FNDC1: variants seen among roughly 807,000 people sequenced by gnomAD.
FNDC1 encodes fibronectin type III domain containing 1, also known as fibronectin type III domain-containing protein 1.
Under a neutral mutation model 168.0 loss-of-function variants are expected in FNDC1, and 96 were observed. The ratio of observed to expected loss-of-function variants is 0.57; its 90% confidence interval spans 0.48 to 0.68. The LOEUF (loss-of-function observed/expected upper bound fraction) is 0.68, where lower values mean the gene tolerates loss of function less well. Ranked by LOEUF, FNDC1 falls within the 30% of genes least tolerant of loss-of-function variation. FNDC1 has a pLI of 0.00. For synonymous variants in FNDC1, 1,099 were observed against 1,025.9 expected (o/e 1.07, Z -1.36); for missense variants, 2,587 against 2,482.1 (o/e 1.04, Z -0.90).
At chr6:159,222,831 T>C (rs1782858767) in intron 6 of FNDC1, among the ~76,000 whole-genome samples, 1 of 152,198 alleles carries the variant, frequency 6.6e-6, no homozygotes, top group Admixed American at 6.5e-5. Flanking sequence ...CCTAAACTTT[T>C]CTTCCCATGA....
Position 159,264,976 on chromosome 6 carries a change from T to G in FNDC1, c.5256T>G (p.Asp1752Glu). 1 of 1,605,060 alleles carries G rather than the reference T, an allele frequency of 6.2e-7. No individual in the cohort carries two copies. The highest frequency in any genetic ancestry group is 8.5e-7 in the Non-Finnish European group (1 of 1,174,954). The change falls in exon 20 of 23, where the codon GAT (aspartate) becomes GAG (glutamate). Residue 1752 changes from aspartate to glutamate, a missense_variant and splice_region_variant. Coordinates refer to ENST00000297267, the MANE Select transcript of FNDC1 (RefSeq NM_032532.3). ...SPSVSFVTESDNPLLVVRPPG... is the reference protein window; with the variant it reads ...SPSVSFVTESENPLLVVRPPG... ...CATTATTTCTTTTTCATTCTACAGA[T>G]AATCCTCTGCTTGTTGTGAGGCCCC...
Position 159,271,299 on chromosome 6 carries a change from C to A in FNDC1, c.5570-28C>A, listed in dbSNP as rs1777741020. Reference sequence around the variant, plus strand: ...CCTGTTGGTTCAGGGGCCTCTGACGCTTTTCCCCTCTCCTGTTGCCCTTCC... The same window carrying A: ...CCTGTTGGTTCAGGGGCCTCTGACGATTTTCCCCTCTCCTGTTGCCCTTCC... On this transcript the variant is annotated intron_variant, in intron 22 of 22. Transcript: ENST00000297267. The A allele has an allele frequency of 2.6e-6, 4 of 1,538,586 alleles. No individual in the cohort carries two copies. In the South Asian group the frequency reaches 4.7e-5, roughly 18 times the overall value.
Position 159,232,498 on chromosome 6 carries a change from C to A in FNDC1, c.1986C>A (p.Ala662=). 1 of 1,612,450 alleles carries A rather than the reference C, an allele frequency of 6.2e-7. No homozygotes were observed. ...TGGGCTCCCTCCACCCCAAGGGCGC[C>A]TTCGCCCAGCCCCGGCCAGCCCTGT... ...RAVGSLHPKG[A]FAQPRPALSP... is the part of the protein sequence containing the mutation. The change falls in exon 11 of 23, where the codon GCC becomes GCA. Residue 662 remains alanine, a synonymous_variant. Transcript: ENST00000297267. This position sits in a 1 kb window ranked among gnomAD's most constrained non-coding sequence, Gnocchi z 4.9.
At chr6:159,197,681 C>T (rs1782279657) in intron 2 of FNDC1, 56 bp downstream of exon 2, 2 of 1,473,818 alleles carry the variant, frequency 1.4e-6, no homozygotes, top group Admixed American at 1.8e-5. Context: ...CCAACATTCT[C>T]AGTTGCATTC....
chr6:159,233,750 G>T lies in FNDC1; in HGVS notation c.3238G>T (p.Asp1080Tyr). ...GGACGAGGATGCCCAGGGCAGCTAC[G>T]ACGACGACAGCACAGAAGTCGAGGC... ...NQDEDAQGSY[D>Y]DDSTEVEAQD... Residue 1080 changes from aspartate to tyrosine, a missense_variant, in exon 11 of 23, where the codon GAC becomes TAC. Coordinates refer to ENST00000297267, the MANE Select transcript of FNDC1 (RefSeq NM_032532.3). This position sits in a 1 kb window ranked among gnomAD's most constrained non-coding sequence, Gnocchi z 4.6. 1.3e-6 allele frequency: 2 copies of T among 1,547,810 alleles called. No homozygotes were observed. The highest frequency in any genetic ancestry group is 8.7e-7 in the Non-Finnish European group (1 of 1,145,870).
chr6:159,198,993 G>C (rs2114947408), intron 2 of FNDC1, among the ~76,000 whole-genome samples: 1 of 152,350 alleles, frequency 6.6e-6, no homozygotes, highest in East Asian at 1.9e-4. Flanking sequence ...CCAGGCTTCT[G>C]TTCATGGGCC....
chr6:159,223,402 G>T (rs1782878704), intron 6 of FNDC1, 126 bp from the exon 7 acceptor site: 1 of 549,586 alleles, frequency 1.8e-6, no homozygotes, highest in Non-Finnish European at 3.2e-6. Flanking sequence ...ATTTCATTTT[G>T]TCTACATTAC....
chr6:159,239,897 G>A lies in FNDC1; in HGVS notation c.4561G>A (p.Asp1521Asn), dbSNP rs751784115. The A allele has an allele frequency of 2.2e-5, 34 of 1,529,442 alleles. No individual in the cohort carries two copies. The highest frequency in any genetic ancestry group is 2.8e-5 in the Non-Finnish European group (32 of 1,134,600). The allele number at this position is 1,529,442 out of a possible 1,614,324, so 94.7% of individuals were successfully genotyped here. A position where few individuals can be genotyped will look rare whatever the true frequency, so the allele number is the denominator to read the frequency against. The part of the protein sequence containing the change: ...TCPPGTLERH[D>N]DDGNLIMSSN... ...TCCCCCTGGGACCTTGGAACGGCAC[G>A]ACGATGATGGCAACCTGATAATGAG... is the stretch of plus-strand genomic sequence containing the variant. The change falls in exon 14 of 23, where the codon GAC becomes AAC. Residue 1521 changes from aspartate (D) to asparagine (N), a missense_variant. Physicochemically the swap from Asp to Asn is conservative, Grantham distance 23. Coordinates refer to ENST00000297267, the MANE Select transcript of FNDC1 (RefSeq NM_032532.3).
chr6:159,184,951 A>G (rs891213371), intron 1 of FNDC1, among the ~76,000 whole-genome samples: 7 of 151,104 alleles, frequency 4.6e-5, no homozygotes, highest in Admixed American at 1.3e-4. Context: ...AACTATAGGC[A>G]TTTGCTCTTT....
At chr6:159,230,456 G>A (rs1783057535) in intron 10 of FNDC1, among the ~76,000 whole-genome samples, 1 of 152,212 alleles carries the variant, frequency 6.6e-6, no homozygotes, top group Admixed American at 6.5e-5. Context: ...GCTGGGAGAT[G>A]GGTTCACTGG....
At chr6:159,221,504 G>A in intron 5 of FNDC1, 94 bp from the exon 6 acceptor site, 1 of 938,622 alleles carries the variant, frequency 1.1e-6, no homozygotes, top group Non-Finnish European at 1.7e-6. Context: ...AGGGGAAGGG[G>A]AGGAGGAATG....
In FNDC1 at chr6:159,173,407, A is replaced by T. The variant is rs193292071; in HGVS notation, c.109+3702A>T. On this transcript the variant is annotated intron_variant, in intron 1 of 22. Transcript: ENST00000297267. ...TGTTACTTCAGTCCTCTTTGAGAGA[A>T]CGTGGTGAGACCCTCTCTCCTTTTT... Among the ~76,000 whole-genome samples the T allele has an allele frequency of 3.3e-5, 5 of 152,324 alleles. No individual in the cohort carries two copies. In the East Asian group the frequency reaches 9.6e-4, roughly 29 times the overall value.
At chr6:159,204,003 G>A (rs1298576691) in intron 4 of FNDC1, among the ~76,000 whole-genome samples, 1 of 152,186 alleles carries the variant, frequency 6.6e-6, no homozygotes, top group Non-Finnish European at 1.5e-5. Flanking sequence ...CTTTTCTCAA[G>A]TTTTGGAGCC....
rs959032431 is a variant in FNDC1 at position 159,232,204 on chromosome 6, G to A, written c.1692G>A (p.Arg564=). The change falls in exon 11 of 23, where the codon CGG becomes CGA. Residue 564 remains arginine, a synonymous_variant. Coordinates refer to ENST00000297267, the MANE Select transcript of FNDC1 (RefSeq NM_032532.3). The surrounding 1 kb of genome is among the most constrained non-coding windows in gnomAD (Gnocchi z 4.9). ...CCTCAGACACCCAAGACCAGAAACG[G>A]ACCCTGAGGCCGCCAAGTAGACACG... The part of the protein sequence containing the change: ...MSPSDTQDQK[R]TLRPPSRHGH... The A allele has an allele frequency of 4.3e-6, 7 of 1,613,550 alleles. No individual in the cohort carries two copies. In the South Asian group the frequency reaches 6.6e-5, roughly 15 times the overall value.
chr6:159,217,000 C>T lies in FNDC1; in HGVS notation c.667+1849C>T, dbSNP rs569825453. ...TTGCCTGTAGGCAGGGTCTCAGCTT[C>T]CTGCCCCGTGGTGTGGAGGCTGGAG... On this transcript the variant is annotated intron_variant, in intron 5 of 22. Transcript: ENST00000297267. Among the ~76,000 whole-genome samples, 3 of 152,332 alleles carry T rather than the reference C, an allele frequency of 2.0e-5. No individual in the cohort carries two copies. The South Asian group carries it at 6.2e-4, about 32-fold the overall frequency.
At chr6:159,267,132 A>G (rs117257999) in intron 21 of FNDC1, among the ~76,000 whole-genome samples, 2 of 152,264 alleles carry the variant, frequency 1.3e-5, no homozygotes, top group East Asian at 3.9e-4. Flanking sequence ...GTGATCATTT[A>G]AAAACTATCA....
At chr6:159,180,818 C>T (rs1781862625) in intron 1 of FNDC1, among the ~76,000 whole-genome samples, 2 of 152,096 alleles carry the variant, frequency 1.3e-5, no homozygotes, top group Admixed American at 6.5e-5. Flanking sequence ...GATCTCATTC[C>T]TTCTTATGGC....
At chr6:159,218,623 A>G (rs1355254049) in intron 5 of FNDC1, 1 of 152,232 alleles carries the variant, frequency 6.6e-6, no homozygotes, top group Non-Finnish European at 1.5e-5. Context: ...TCGCATGTTA[A>G]GGAACCTTGA....
At chr6:159,208,941 G>A (rs559918489) in intron 4 of FNDC1, among the ~76,000 whole-genome samples, 6 of 145,562 alleles carry the variant, frequency 4.1e-5, no homozygotes, top group Non-Finnish European at 4.4e-5. Flanking sequence ...TCTGCCTCCC[G>A]GCATCAAGCG....
Sources: gnomAD v4.1 joint callset for allele counts (sites outside exome capture counted in the v4.1 genomes callset) on GRCh38, gnomAD v4.1.1 for gene constraint, Gnocchi (gnomAD v3.1) non-coding constraint, MANE v1.5 for transcripts, NCBI Gene and HGNC (gene_info 2026-07-23, HGNC 2026-07-21) for gene names.